GNG2: variants seen among roughly 807,000 people sequenced by gnomAD.
GNG2 encodes the protein guanine nucleotide-binding protein G(I)/G(S)/G(O) subunit gamma-2.
In GNG2, 5 loss-of-function variants were observed where a neutral mutation model predicts 5.5. The observed-to-expected ratio is 0.91, with a 90% confidence interval of 0.48 to 1.92. The LOEUF (loss-of-function observed/expected upper bound fraction) is 1.92, where lower values mean the gene tolerates loss of function less well. Among genes scored for constraint, GNG2 ranks in the 30% most tolerant of loss-of-function variants. GNG2 has a pLI of 0.01. For missense variants in GNG2, 55 were observed against 88.4 expected (o/e 0.62, Z 1.52); for synonymous variants, 28 against 32.0 (o/e 0.88, Z 0.42).
intron 3 of GNG2, among the ~76,000 whole-genome samples, chr14:51,961,763 T>C (rs1889627613): frequency 1.3e-5 from 2 of 152,138 alleles, no homozygotes; most frequent in African/African-American, 4.8e-5. Context: ...ATACTGAATA[T>C]GTGACACTCT....
rs1393606786 is a variant in GNG2 at position 51,968,648 on chromosome 14, ACAG to A, written c.*1965_*1967del. 7.2e-4 allele frequency: 109 copies of A among 152,326 alleles called. 1 individual carries two copies. Among genetic ancestry groups the A allele is most frequent in the Admixed American group, 7.0e-3 (107 of 15,302 alleles). The allele number at this position is 152,326 out of a possible 1,614,324, so 9.4% of individuals were successfully genotyped here. A position where few individuals can be genotyped will look rare whatever the true frequency, so the allele number is the denominator to read the frequency against. On this transcript the variant is annotated 3_prime_UTR_variant, in exon 4 of 4. Coordinates refer to ENST00000556766, the MANE Select transcript of GNG2 (RefSeq NM_053064.5). ...CCATGAAGATTTAGGGGTGAAAAAAACAGCAGAGTATTTATTAAACTACAGCAT... is the reference window on the plus strand; with the variant it reads ...CCATGAAGATTTAGGGGTGAAAAAAACAGAGTATTTATTAAACTACAGCAT...
chr14:51,926,707 A>G (rs1887349234), intron 2 of GNG2, among the ~76,000 whole-genome samples: 1 of 152,136 alleles, frequency 6.6e-6, no homozygotes, highest in South Asian at 2.1e-4. Flanking sequence ...CCTGGGATTC[A>G]GTCTGTGAGA....
intron 1 of GNG2, among the ~76,000 whole-genome samples, chr14:51,876,791 C>T (rs569317568): frequency 6.6e-6 from 1 of 152,188 alleles, no homozygotes; most frequent in Non-Finnish European, 1.5e-5. Context: ...TTCGTTTGGC[C>T]CTAGAACCCC....
intron 2 of GNG2, among the ~76,000 whole-genome samples, chr14:51,900,958 T>C (rs934222940): frequency 2.0e-5 from 3 of 152,240 alleles, no homozygotes; most frequent in African/African-American, 7.2e-5. Flanking sequence ...TTGAGGATGA[T>C]ACCAGTGTGT....
At chr14:51,882,994 A>G (rs1361783943) in intron 2 of GNG2, among the ~76,000 whole-genome samples, 2 of 148,696 alleles carry the variant, frequency 1.3e-5, no homozygotes, top group African/African-American at 5.0e-5. Context: ...TGGGTGACAG[A>G]GCGAGACTCC....
chr14:51,841,205 C>A (rs569963076), intron 2 of GNG2, among the ~76,000 whole-genome samples: 1 of 152,278 alleles, frequency 6.6e-6, no homozygotes, highest in South Asian at 2.1e-4. Context: ...AAGGATAGCA[C>A]CACAGGAGAC....
intron 3 of GNG2, among the ~76,000 whole-genome samples, chr14:51,952,661 T>C (rs1026700343): frequency 2.6e-5 from 4 of 152,206 alleles, no homozygotes; most frequent in Non-Finnish European, 5.9e-5. Flanking sequence ...TATGATGTGC[T>C]CATGGGTGAT....
chr14:51,961,923 A>G (rs980315406), intron 3 of GNG2, among the ~76,000 whole-genome samples: 1 of 152,212 alleles, frequency 6.6e-6, no homozygotes, highest in Admixed American at 6.5e-5. Context: ...ACAAATTACA[A>G]TGAGAAGTTA....
intron 2 of GNG2, among the ~76,000 whole-genome samples, chr14:51,915,202 G>A (rs1452077289): frequency 6.6e-6 from 1 of 152,128 alleles, no homozygotes; most frequent in African/African-American, 2.4e-5. Flanking sequence ...CTTAGAATAA[G>A]GGCATCATCC....
chr14:51,931,506 A>C (rs1273898006), intron 2 of GNG2, among the ~76,000 whole-genome samples: 1 of 152,180 alleles, frequency 6.6e-6, no homozygotes, highest in Non-Finnish European at 1.5e-5. Context: ...CGGGAGATGT[A>C]AGCAAGGAAA....
At chr14:51,960,227 T>C (rs1889516445) in intron 3 of GNG2, among the ~76,000 whole-genome samples, 1 of 151,776 alleles carries the variant, frequency 6.6e-6, no homozygotes, top group Non-Finnish European at 1.5e-5. Context: ...TAGTTTCTAT[T>C]GCTATCTTCA....
chr14:51,896,822 G>A (rs1028600973), intron 2 of GNG2, among the ~76,000 whole-genome samples: 7 of 151,962 alleles, frequency 4.6e-5, no homozygotes, highest in Non-Finnish European at 5.9e-5. Flanking sequence ...TAAAAGATAC[G>A]CACTTTAAAC....
chr14:51,875,784 CTTTAAAA>C (rs1000634308), intron 1 of GNG2, among the ~76,000 whole-genome samples: 6 of 150,330 alleles, frequency 4.0e-5, no homozygotes, highest in Non-Finnish European at 7.4e-5. Context: ...ATATTTTTTA[CTTTAAAA>C]TTTAAATGAC....
chr14:51,888,551 C>T (rs1884619052), intron 2 of GNG2, among the ~76,000 whole-genome samples: 1 of 152,130 alleles, frequency 6.6e-6, no homozygotes, highest in Non-Finnish European at 1.5e-5. Flanking sequence ...AATACCTGGG[C>T]TCAAGTAATC....
intron 2 of GNG2, among the ~76,000 whole-genome samples, chr14:51,880,888 G>A (rs916443103): frequency 1.3e-5 from 2 of 151,348 alleles, no homozygotes; most frequent in Non-Finnish European, 2.9e-5. Flanking sequence ...GGTTGAAAAT[G>A]GGGGTTAATC....
chr14:51,826,215 G>A (rs1881026060), exon 1 of GNG2: 2 of 152,202 alleles, frequency 1.3e-5, no homozygotes, highest in Admixed American at 1.3e-4. Context: ...GAGCCAGCAA[G>A]AGCGGATGGC....
intron 2 of GNG2, among the ~76,000 whole-genome samples, chr14:51,884,387 C>T (rs1211824199): frequency 6.6e-6 from 1 of 152,170 alleles, no homozygotes; most frequent in Non-Finnish European, 1.5e-5. Flanking sequence ...TTTTCAAAGT[C>T]ATCTGGGGTA....
chr14:51,871,079 A>G (rs1412941405), intron 1 of GNG2, among the ~76,000 whole-genome samples: 2 of 151,024 alleles, frequency 1.3e-5, no homozygotes, highest in Non-Finnish European at 1.5e-5. Context: ...TATAAGAAAA[A>G]TTGTGAAAAA....
At chr14:51,860,041 T>C (rs1178958369), upstream of GNG2, among the ~76,000 whole-genome samples, 1 of 152,082 alleles carries the variant, frequency 6.6e-6, no homozygotes, top group African/African-American at 2.4e-5. Flanking sequence ...AGTGGGACCT[T>C]GGAGAAATGA....
Sources: gnomAD v4.1 joint callset for allele counts (sites outside exome capture counted in the v4.1 genomes callset) on GRCh38, gnomAD v4.1.1 for gene constraint, MANE v1.5 for transcripts, NCBI Gene and HGNC (gene_info 2026-07-23, HGNC 2026-07-21) for gene names.